KIF21B: variants seen among roughly 807,000 people sequenced by gnomAD.
The protein encoded by KIF21B is kinesin family member 21B, also known as kinesin-like protein KIF21B.
Under a neutral mutation model 192.9 loss-of-function variants are expected in KIF21B, and 85 were observed. The observed-to-expected ratio is 0.44, with a 90% confidence interval of 0.37 to 0.53. The LOEUF (loss-of-function observed/expected upper bound fraction) is 0.53, where lower values mean the gene tolerates loss of function less well. Among genes scored for constraint, KIF21B ranks in the 20% least tolerant of loss-of-function variants. KIF21B has a pLI of 0.00. For synonymous variants in KIF21B, 832 were observed against 884.6 expected, an observed-to-expected ratio of 0.94 and a Z score of 1.05; for missense variants, 1,716 against 2,194.8, an observed-to-expected ratio of 0.78 and a Z score of 4.36.
intron 29 of KIF21B, among the ~76,000 whole-genome samples, chr1:200,980,714 C>T (rs149883473): frequency 8.4e-4 from 128 of 152,316 alleles, no homozygotes; most frequent in African/African-American, 2.9e-3. Flanking sequence ...TGAAGTTTCC[C>T]TGGAAGGTCT....
chr1:200,976,212 TC>T (rs1655539704), intron 32 of KIF21B, among the ~76,000 whole-genome samples: 1 of 152,084 alleles, frequency 6.6e-6, no homozygotes. Flanking sequence ...TCCCTCAACC[TC>T]CCAAGTAGCT....
chr1:201,014,108 C>G (rs191203746), intron 1 of KIF21B, among the ~76,000 whole-genome samples: 1,549 of 152,362 alleles, frequency 0.01, 16 homozygotes, highest in Non-Finnish European at 0.013. Flanking sequence ...GGAGAAAGGG[C>G]CCGGAGCTTT....
chr1:200,983,182 T>G, intron 27 of KIF21B, 88 bp from the exon 28 acceptor site: 3 of 1,138,006 alleles, frequency 2.6e-6, no homozygotes, highest in Non-Finnish European at 3.8e-6. Flanking sequence ...TGTGGGGTGG[T>G]CAGAGGGCAG....
At position 201,009,016 on chromosome 1, in the gene KIF21B, C is replaced by A. The variant is rs1490537739; in HGVS notation, c.265-65G>T. 3.9e-6 allele frequency: 6 copies of A among 1,525,364 alleles called. No homozygotes were observed. The African/African-American group carries it at 4.1e-5, about 10-fold the overall frequency. The allele number at this position is 1,525,364 out of a possible 1,614,324, so 94.5% of individuals were successfully genotyped here. A position where few individuals can be genotyped will look rare whatever the true frequency, so the allele number is the denominator to read the frequency against. On this transcript the variant is annotated intron_variant, in intron 2 of 34. Coordinates refer to ENST00000461742, the MANE Select transcript of KIF21B (RefSeq NM_001252102.2). ...TTGGGGGCACCAGCAAGCCCTGTAC[C>A]TGGGCCAAATCCCCTTAGCTCATCT...
chr1:200,997,666 C>CG (rs577529301), intron 14 of KIF21B, among the ~76,000 whole-genome samples: 1 of 152,094 alleles, frequency 6.6e-6, no homozygotes, highest in African/African-American at 2.4e-5. Context: ...TCGATTGAAC[C>CG]GGGGGTCAGA....
rs368457778 is a variant in KIF21B at position 200,994,349 on chromosome 1, C to CA, written c.2277+1846dup. Among the ~76,000 whole-genome samples the CA allele has an allele frequency of 1.8e-3, 268 of 152,362 alleles. 2 individuals carry two copies. The highest frequency in any genetic ancestry group is 5.9e-3 in the African/African-American group (247 of 41,580). ...CGCTGGGGCCCTGTAGCTGAACAGC[C>CA]ATGGGAGGATTCTGGGGCACTGGCT... On this transcript the variant is annotated intron_variant, in intron 15 of 34. Transcript: ENST00000461742.
intron 1 of KIF21B, among the ~76,000 whole-genome samples, chr1:201,019,133 C>T (rs1180256922): frequency 1.3e-5 from 2 of 152,166 alleles, no homozygotes; most frequent in African/African-American, 2.4e-5. Context: ...TGGAGCTTCA[C>T]CATATTGGTC....
intron 7 of KIF21B, 53 bp downstream of exon 7, chr1:201,004,287 C>T (rs1657672962): frequency 2.8e-6 from 4 of 1,449,784 alleles, no homozygotes; most frequent in Non-Finnish European, 3.8e-6. Flanking sequence ...CACTATTTTC[C>T]AGGAACCTCC....
intron 26 of KIF21B, 140 bp downstream of exon 26, chr1:200,986,704 T>C (rs768701228): frequency 9.7e-5 from 70 of 720,644 alleles, no homozygotes; most frequent in Non-Finnish European, 1.1e-4. Flanking sequence ...GACCACTGGG[T>C]GAACCTGAAT....
At chr1:201,011,925 C>A (rs1233971735) in intron 1 of KIF21B, among the ~76,000 whole-genome samples, 1 of 152,208 alleles carries the variant, frequency 6.6e-6, no homozygotes, top group Non-Finnish European at 1.5e-5. Flanking sequence ...GGAGGGGGAG[C>A]AACAGCCCTG....
intron 8 of KIF21B, chr1:201,002,673 C>T: frequency 3.5e-6 from 1 of 283,928 alleles, no homozygotes; most frequent in Non-Finnish European, 6.8e-6. Context: ...ACCCTCTCTG[C>T]CAGGCAGTTG....
At chr1:201,002,104 G>C (rs1321292141) in intron 9 of KIF21B, 57 bp downstream of exon 9, 6 of 1,496,034 alleles carry the variant, frequency 4.0e-6, no homozygotes, top group Non-Finnish European at 5.5e-6. Flanking sequence ...GTGGATGTCG[G>C]GGGAGGGAGT....
chr1:200,991,555 G>T, intron 17 of KIF21B, 102 bp downstream of exon 17: 2 of 1,204,252 alleles, frequency 1.7e-6, no homozygotes, highest in Non-Finnish European at 2.4e-6. Flanking sequence ...TTATTCCACC[G>T]CCAGGAAGTT....
chr1:200,996,986 G>C (rs1009132606), intron 14 of KIF21B, among the ~76,000 whole-genome samples: 1 of 152,076 alleles, frequency 6.6e-6, no homozygotes, highest in African/African-American at 2.4e-5. Flanking sequence ...CTACCTCCCA[G>C]CAAGCAATCA....
intron 3 of KIF21B, among the ~76,000 whole-genome samples, chr1:201,007,059 C>CAG (rs1657884443): frequency 7.3e-6 from 1 of 136,730 alleles, no homozygotes. Flanking sequence ...GACACACACA[C>CAG]ACACAGACAC....
At chr1:200,985,886 C>CCCAG (rs1656271307) in intron 26 of KIF21B, among the ~76,000 whole-genome samples, 1 of 148,384 alleles carries the variant, frequency 6.7e-6, no homozygotes, top group Non-Finnish European at 1.5e-5. Flanking sequence ...CACACTGTCA[C>CCCAG]CCAGGCTGGA....
At position 200,981,054 on chromosome 1, in the gene KIF21B, C is replaced by G. The variant is rs759165249; in HGVS notation, c.3885G>C (p.Thr1295=). 6.8e-6 allele frequency: 11 copies of G among 1,607,340 alleles called. No homozygotes were observed. In the South Asian group the frequency reaches 7.8e-5, roughly 11 times the overall value. The change falls in exon 29 of 35, where the codon ACG becomes ACC. Residue 1295 remains threonine (T), a synonymous_variant. Transcript: ENST00000461742. ...SPVGGAKGAR[T]APLQCVSMAE... ...CCATGGAGACACACTGCAGTGGGGC[C>G]GTCCGTGCACCCTTGGCTCCTCCAA...
Position 200,973,207 on chromosome 1 carries a change from G to A in KIF21B, c.*314C>T. ...ACCACTGGGCCAAAGGCCTGAGAAAGGGGCAGAGCCGGTTCAGCAGGAGAC... is the reference window on the plus strand; with the variant it reads ...ACCACTGGGCCAAAGGCCTGAGAAAAGGGCAGAGCCGGTTCAGCAGGAGAC... On this transcript the variant is annotated 3_prime_UTR_variant, in exon 35 of 35. Transcript: ENST00000461742. The A allele has an allele frequency of 3.3e-6, 1 of 305,930 alleles. No individual in the cohort carries two copies. Among genetic ancestry groups the A allele is most frequent in the Non-Finnish European group, 5.9e-6 (1 of 168,332 alleles). 19.0% of individuals were successfully genotyped at this position (305,930 alleles called of 1,614,324 possible).
chr1:201,003,310 T>C (rs1657605861), intron 8 of KIF21B: 6 of 515,740 alleles, frequency 1.2e-5, no homozygotes, highest in Non-Finnish European at 2.1e-5. Flanking sequence ...GTGCACAAGA[T>C]CTATGCAACA....
Sources: allele counts gnomAD v4.1 joint callset (sites outside exome capture counted in the v4.1 genomes callset), GRCh38; gene constraint gnomAD v4.1.1; transcripts MANE v1.5; gene names NCBI Gene and HGNC (gene_info 2026-07-23, HGNC 2026-07-21).